The following AGBL1 variants were observed in gnomAD, a reference collection of about 807,000 sequenced individuals.
AGBL1 encodes AGBL carboxypeptidase 1.
A neutral mutation model predicts 118.9 loss-of-function variants in AGBL1; 130 were observed. The ratio of observed to expected loss-of-function variants is 1.09; its 90% CI spans 0.95 to 1.26. The LOEUF is 1.26. AGBL1 is among the 50% of genes most tolerant of loss of function. The pLI, the probability that AGBL1 is intolerant of heterozygous loss-of-function variation, is 0.00. For synonymous variants in AGBL1, 555 were observed against 478.9 expected (o/e 1.16, Z -2.08); for missense variants, 1,584 against 1,298.1 (o/e 1.22, Z -3.38).
At chr15:86,573,985 A>G (rs1029874905) in intron 21 of AGBL1, among the ~76,000 whole-genome samples, 1 of 152,212 alleles carries the variant, frequency 6.6e-6, no homozygotes, top group South Asian at 2.1e-4. Flanking sequence ...AAACATTTTC[A>G]TAAACTTTAT....
At chr15:86,488,371 C>T (rs556737520) in intron 18 of AGBL1, among the ~76,000 whole-genome samples, 1 of 151,882 alleles carries the variant, frequency 6.6e-6, no homozygotes, top group South Asian at 2.1e-4. Flanking sequence ...GTTCCAGCTC[C>T]CAAACTATGT....
At chr15:86,997,021 C>CA (rs957051481) in intron 24 of AGBL1, among the ~76,000 whole-genome samples, 59 of 151,898 alleles carry the variant, frequency 3.9e-4, no homozygotes, top group African/African-American at 1.4e-3. Flanking sequence ...CAATTGAAAA[C>CA]AAAAAATAAG....
At chr15:86,928,319 G>A (rs536566180) in intron 23 of AGBL1, among the ~76,000 whole-genome samples, 1 of 152,314 alleles carries the variant, frequency 6.6e-6, no homozygotes, top group African/African-American at 2.4e-5. Context: ...CAAAGGCAGA[G>A]AACACACAGC....
intron 5 of AGBL1, among the ~76,000 whole-genome samples, chr15:86,222,372 G>A (rs533969745): frequency 4.9e-4 from 74 of 151,964 alleles, no homozygotes; most frequent in African/African-American, 1.7e-3. Context: ...TCTATTAATG[G>A]CTCTCTTATT....
chr15:86,305,811 A>G (rs921546001), intron 17 of AGBL1, among the ~76,000 whole-genome samples: 20 of 152,256 alleles, frequency 1.3e-4, no homozygotes, highest in Non-Finnish European at 2.1e-4. Context: ...CTTCTTGACA[A>G]TTGAAGTCTG....
At chr15:86,647,832 T>C (rs550234549) in intron 21 of AGBL1, among the ~76,000 whole-genome samples, 1 of 152,200 alleles carries the variant, frequency 6.6e-6, no homozygotes, top group African/African-American at 2.4e-5. Context: ...ATTCTGGAAG[T>C]AGGGTAAGGG....
At chr15:86,545,131 A>T (rs2083562006) in intron 19 of AGBL1, among the ~76,000 whole-genome samples, 1 of 152,206 alleles carries the variant, frequency 6.6e-6, no homozygotes, top group Non-Finnish European at 1.5e-5. Flanking sequence ...TACCTTTGAC[A>T]GTTTTTCCCC....
intron 5 of AGBL1, among the ~76,000 whole-genome samples, chr15:86,192,753 AG>A (rs766917511): frequency 3.1e-4 from 47 of 152,248 alleles, no homozygotes; most frequent in Non-Finnish European, 5.9e-4. Context: ...AATACTATTC[AG>A]TCATTAAAAA....
intron 22 of AGBL1, among the ~76,000 whole-genome samples, chr15:86,770,425 G>C (rs1000883148): frequency 5.2e-4 from 79 of 152,054 alleles, no homozygotes; most frequent in Non-Finnish European, 6.0e-4. Flanking sequence ...AGAAGCTACA[G>C]CTGCTGCTAA....
At chr15:86,383,826 CT>C in intron 17 of AGBL1, among the ~76,000 whole-genome samples, 2 of 152,234 alleles carry the variant, frequency 1.3e-5, no homozygotes, top group Admixed American at 6.5e-5. Flanking sequence ...TGTTCTAATA[CT>C]TTTTTTCAGG....
At chr15:86,677,388 CT>C (rs1227230522) in intron 22 of AGBL1, among the ~76,000 whole-genome samples, 3 of 152,148 alleles carry the variant, frequency 2.0e-5, no homozygotes, top group African/African-American at 7.2e-5. Flanking sequence ...ATCTTTTGAT[CT>C]TTCCTCTCCT....
chr15:86,580,974 T>G (rs2084164874), intron 21 of AGBL1, among the ~76,000 whole-genome samples: 1 of 152,194 alleles, frequency 6.6e-6, no homozygotes, highest in Admixed American at 6.6e-5. Context: ...TGCATCCAAA[T>G]TTTTGCTGTA....
At chr15:86,766,474 T>C (rs1375349005) in intron 22 of AGBL1, among the ~76,000 whole-genome samples, 2 of 151,988 alleles carry the variant, frequency 1.3e-5, no homozygotes, top group African/African-American at 4.8e-5. Flanking sequence ...TTAAACTCAT[T>C]GATAATGAAA....
chr15:86,827,920 C>G (rs1471706446), intron 22 of AGBL1, among the ~76,000 whole-genome samples: 13 of 36,260 alleles, frequency 3.6e-4, no homozygotes, highest in Non-Finnish European at 8.2e-4. Context: ...AACATAGTCT[C>G]TGGCACTTGA....
intron 5 of AGBL1, among the ~76,000 whole-genome samples, chr15:86,210,989 A>T (rs957517249): frequency 6.6e-6 from 1 of 152,160 alleles, no homozygotes; most frequent in Non-Finnish European, 1.5e-5. Flanking sequence ...GGTGACCTAC[A>T]GATAGGGTTT....
At chr15:86,547,543 A>G (rs1229715395) in intron 20 of AGBL1, among the ~76,000 whole-genome samples, 1 of 152,166 alleles carries the variant, frequency 6.6e-6, no homozygotes, top group East Asian at 1.9e-4. Flanking sequence ...TTTTGTGAAT[A>G]ATTCATACTG....
chr15:86,892,688 C>A (rs148315903), intron 22 of AGBL1, among the ~76,000 whole-genome samples: 3 of 152,242 alleles, frequency 2.0e-5, no homozygotes, highest in East Asian at 3.9e-4. Flanking sequence ...TATTCTTATT[C>A]TTTTCTCAAC....
intron 21 of AGBL1, among the ~76,000 whole-genome samples, chr15:86,631,893 A>T (rs1284501076): frequency 2.6e-5 from 4 of 152,102 alleles, no homozygotes; most frequent in Non-Finnish European, 4.4e-5. Context: ...CTAGTTTTAA[A>T]AGTTAATTAG....
chr15:86,202,700 T>G lies in AGBL1; in HGVS notation c.489-22214T>G, dbSNP rs377570599. The stretch of plus-strand genomic sequence containing the variant: ...CAATATTTTTATTTCCTATAATATT[T>G]CTGAGAATCCAGAAAGGAGCTGGGT... On this transcript the variant is annotated intron_variant, in intron 5 of 22. Coordinates refer to ENST00000614907, the MANE Select transcript of AGBL1 (RefSeq NM_001386094.1). Among the ~76,000 whole-genome samples the G allele has an allele frequency of 1.5e-3, 224 of 152,310 alleles. 3 individuals are homozygous for G. In the South Asian group the frequency reaches 0.046, roughly 31 times the overall value.
Sources: gnomAD v4.1 joint callset for allele counts (sites outside exome capture counted in the v4.1 genomes callset) on GRCh38, gnomAD v4.1.1 for gene constraint, MANE v1.5 for transcripts, NCBI Gene and HGNC (gene_info 2026-07-23, HGNC 2026-07-21) for gene names.